Variants in PIWIL2 observed in about 807,000 individuals in gnomAD.
PIWIL2 encodes the protein piwi like RNA-mediated gene silencing 2.
In PIWIL2, 81 loss-of-function variants were observed where a neutral mutation model predicts 116.5. The ratio of observed to expected loss-of-function variants is 0.70; its 90% CI spans 0.58 to 0.84. The LOEUF is 0.84. PIWIL2 is among the 40% of genes least tolerant of loss of function. PIWIL2 has a pLI of 0.00. For missense variants in PIWIL2, 1,272 were observed against 1,212.3 expected (o/e 1.05, Z -0.73); for synonymous variants, 489 against 429.5 (o/e 1.14, Z -1.71).
At chr8:22,284,685 G>A (rs75421979) in intron 6 of PIWIL2, among the ~76,000 whole-genome samples, 7,195 of 140,626 alleles carry the variant, frequency 0.051, 269 homozygotes, top group Admixed American at 0.093. Context: ...ATGAAACCTG[G>A]ATCCTTTCCT....
chr8:22,308,244 G>C (rs1388408446), intron 14 of PIWIL2, among the ~76,000 whole-genome samples, 171 bp downstream of exon 14: 1 of 148,366 alleles, frequency 6.7e-6, no homozygotes, highest in Admixed American at 6.8e-5. Context: ...TTACAGGTAT[G>C]AACCTCTGTG....
chr8:22,293,360 A>G (rs937251679), intron 10 of PIWIL2, among the ~76,000 whole-genome samples: 2 of 152,012 alleles, frequency 1.3e-5, no homozygotes, highest in Non-Finnish European at 2.9e-5. Context: ...CTTTTTTGAG[A>G]TGGAGTTTCA....
chr8:22,293,972 G>A (rs1281176838), intron 10 of PIWIL2, among the ~76,000 whole-genome samples: 1 of 152,118 alleles, frequency 6.6e-6, no homozygotes, highest in East Asian at 1.9e-4. Context: ...ATTTTGATGG[G>A]CATTGACTAG....
At position 22,279,336 on chromosome 8, in the gene PIWIL2, G is replaced by A; in HGVS notation, c.-46-5G>A. The A allele has an allele frequency of 7.5e-7, 1 of 1,333,152 alleles. No homozygotes were observed. Among genetic ancestry groups the A allele is most frequent in the Non-Finnish European group, 1.1e-6 (1 of 924,394 alleles). 82.6% of individuals were successfully genotyped at this position (1,333,152 alleles called of 1,614,324 possible). A position where few individuals can be genotyped will look rare whatever the true frequency, so the allele number is the denominator to read the frequency against. ...GGAATCTTAATCTTTTGAAAATGAT[G>A]GCAGGTAATTAACCAGAACAGGATC... is the stretch of plus-strand genomic sequence containing the variant. On this transcript the variant is annotated splice_region_variant and splice_polypyrimidine_tract_variant and intron_variant, in intron 1 of 22. Coordinates refer to ENST00000356766, the MANE Select transcript of PIWIL2 (RefSeq NM_018068.5).
intron 16 of PIWIL2, among the ~76,000 whole-genome samples, chr8:22,311,637 C>T (rs1267262718): frequency 1.3e-5 from 2 of 152,342 alleles, no homozygotes; most frequent in East Asian, 3.9e-4. Context: ...CGATTCACTA[C>T]TGAGCTGCCT....
intron 10 of PIWIL2, among the ~76,000 whole-genome samples, chr8:22,300,110 T>C (rs192319127): frequency 6.6e-6 from 1 of 151,982 alleles, no homozygotes; most frequent in African/African-American, 2.4e-5. Context: ...ACATTTTTTT[T>C]AATAGAGATG....
intron 5 of PIWIL2, 129 bp downstream of exon 5, chr8:22,283,369 G>A: frequency 1.4e-6 from 1 of 690,476 alleles, no homozygotes; most frequent in East Asian, 2.7e-5. Context: ...GGGGTGTTTT[G>A]TTTTTTGCCA....
chr8:22,315,927 C>CT (rs1180864726), intron 18 of PIWIL2, among the ~76,000 whole-genome samples: 2 of 152,176 alleles, frequency 1.3e-5, no homozygotes, highest in East Asian at 1.9e-4. Flanking sequence ...ATCTGAAACT[C>CT]TTTGAGTGTC....
At chr8:22,340,824 A>G (rs1243298726) in intron 20 of PIWIL2, among the ~76,000 whole-genome samples, 5 of 151,414 alleles carry the variant, frequency 3.3e-5, no homozygotes, top group African/African-American at 1.2e-4. Flanking sequence ...CAATTCTCCC[A>G]CCTCCGCCTC....
chr8:22,320,241 G>A (rs931157098), intron 20 of PIWIL2, among the ~76,000 whole-genome samples: 1 of 147,730 alleles, frequency 6.8e-6, no homozygotes, highest in Admixed American at 6.8e-5. Flanking sequence ...GATTACAGGT[G>A]TGAGCTGCTG....
chr8:22,351,660 C>T (rs1224691858), intron 20 of PIWIL2, among the ~76,000 whole-genome samples: 1 of 150,078 alleles, frequency 6.7e-6, no homozygotes, highest in Non-Finnish European at 1.5e-5. Context: ...GCCTCAGCCT[C>T]CTGAATAGCT....
chr8:22,320,882 C>T (rs1004947272), intron 20 of PIWIL2, among the ~76,000 whole-genome samples: 4 of 152,050 alleles, frequency 2.6e-5, no homozygotes, highest in East Asian at 1.9e-4. Flanking sequence ...CGTGAGCCAC[C>T]GTGCCTAGCC....
At chr8:22,282,745 C>T (rs1830540053) in intron 4 of PIWIL2, among the ~76,000 whole-genome samples, 1 of 152,062 alleles carries the variant, frequency 6.6e-6, no homozygotes, top group Admixed American at 6.5e-5. Context: ...TATGAGCCAC[C>T]ATACCTGGCT....
intron 10 of PIWIL2, among the ~76,000 whole-genome samples, chr8:22,293,899 C>A (rs1830823927): frequency 1.3e-5 from 2 of 151,972 alleles, no homozygotes; most frequent in South Asian, 4.1e-4. Flanking sequence ...TGAATGTCAC[C>A]CACATACTCT....
chr8:22,340,708 T>A lies in PIWIL2; in HGVS notation c.2404-12251T>A, dbSNP rs1832088358. Among the ~76,000 whole-genome samples, 6 of 152,178 alleles carry A rather than the reference T, an allele frequency of 3.9e-5. 1 individual carries two copies. The highest frequency in any genetic ancestry group is 3.9e-4 in the Admixed American group (6 of 15,272). On this transcript the variant is annotated intron_variant, in intron 20 of 22. Transcript: ENST00000356766. ...CTTGAACAGACAAGGAAAGATTTTT[T>A]TTATTTTCTTTTTATTTCTTTTTTT...
intron 14 of PIWIL2, among the ~76,000 whole-genome samples, chr8:22,308,652 C>CA (rs1157126927): frequency 6.6e-6 from 1 of 151,600 alleles, no homozygotes; most frequent in Non-Finnish European, 1.5e-5. Flanking sequence ...GAATCCATCT[C>CA]AAAAAAAATT....
intron 20 of PIWIL2, among the ~76,000 whole-genome samples, chr8:22,338,420 G>A (rs925433271): frequency 2.6e-5 from 4 of 152,170 alleles, no homozygotes; most frequent in Admixed American, 6.5e-5. Flanking sequence ...GCCAGGTGGG[G>A]TGGCTCACGC....
At chr8:22,339,658 G>T (rs1243434620) in intron 20 of PIWIL2, among the ~76,000 whole-genome samples, 1 of 152,172 alleles carries the variant, frequency 6.6e-6, no homozygotes, top group Non-Finnish European at 1.5e-5. Context: ...AACCTTTTGT[G>T]CTTCAAAAGA....
chr8:22,343,426 ACT>A (rs1206619622), intron 20 of PIWIL2, among the ~76,000 whole-genome samples: 2 of 149,184 alleles, frequency 1.3e-5, no homozygotes, highest in Non-Finnish European at 3.0e-5. Context: ...CAAGAGCGAA[ACT>A]CCATCTCAAA....
Sources: gnomAD v4.1 joint callset for allele counts (sites outside exome capture counted in the v4.1 genomes callset) on GRCh38, gnomAD v4.1.1 for gene constraint, MANE v1.5 for transcripts, NCBI Gene and HGNC (gene_info 2026-07-23, HGNC 2026-07-21) for gene names.